STXBP5L: variants seen among roughly 807,000 people sequenced by gnomAD.
STXBP5L encodes syntaxin-binding protein 5-like.
STXBP5L carries 65 observed loss-of-function variants against 144.5 expected under a neutral mutation model. The ratio of observed to expected loss-of-function variants is 0.45; its 90% CI spans 0.37 to 0.55. The LOEUF is 0.55. STXBP5L is among the 20% of genes least tolerant of loss of function. The probability of loss-of-function intolerance (pLI) is 0.00; values close to 1 mark genes in which losing one functional copy is unlikely to be tolerated. For synonymous variants in STXBP5L, 505 were observed against 469.6 expected (o/e 1.08, Z -0.97); for missense variants, 1,298 against 1,405.5 (o/e 0.92, Z 1.22).
intron 3 of STXBP5L, among the ~76,000 whole-genome samples, chr3:120,978,734 C>G (rs1039220251): frequency 6.6e-6 from 1 of 152,120 alleles, no homozygotes; most frequent in South Asian, 2.1e-4. Flanking sequence ...TGTGTATATC[C>G]TTTCTGTTTG....
intron 7 of STXBP5L, among the ~76,000 whole-genome samples, chr3:121,139,485 T>G (rs1005802602): frequency 6.6e-6 from 1 of 152,126 alleles, no homozygotes; most frequent in African/African-American, 2.4e-5. Flanking sequence ...AAGATCGTGT[T>G]GCTTGTAAGT....
chr3:121,236,062 A>G (rs1405239505), intron 12 of STXBP5L, among the ~76,000 whole-genome samples: 3 of 152,156 alleles, frequency 2.0e-5, no homozygotes, highest in Non-Finnish European at 4.4e-5. Flanking sequence ...TGTACATATG[A>G]TGTTCTAAAT....
intron 25 of STXBP5L, among the ~76,000 whole-genome samples, chr3:121,417,993 C>T (rs987557599): frequency 2.0e-5 from 3 of 152,054 alleles, no homozygotes; most frequent in Non-Finnish European, 2.9e-5. Flanking sequence ...GAAATTTAAG[C>T]AAATGATCAG....
At chr3:121,101,078 C>G (rs1477338714) in intron 5 of STXBP5L, among the ~76,000 whole-genome samples, 1 of 151,652 alleles carries the variant, frequency 6.6e-6, no homozygotes, top group African/African-American at 2.4e-5. Flanking sequence ...ATATCAAGTT[C>G]CAAAATTAAA....
chr3:121,415,200 G>A (rs2047205185), intron 24 of STXBP5L, among the ~76,000 whole-genome samples: 1 of 152,104 alleles, frequency 6.6e-6, no homozygotes, highest in South Asian at 2.1e-4. Flanking sequence ...AGAAAAAGCT[G>A]GGGAGCAAGG....
In STXBP5L at chr3:120,954,967, C is replaced by G. The variant is rs1211560543; in HGVS notation, c.217C>G (p.Pro73Ala). The part of the protein sequence containing the change: ...KTVRHGFPHQ[P>A]TALAFDPVQK... ...AGTTCGGCATGGTTTTCCTCATCAG[C>G]CCACAGCATTAGCCTTTGATCCAGT... The change falls in exon 3 of 27, where the codon CCC becomes GCC. Residue 73 changes from proline (P) to alanine (A), a missense_variant. Physicochemically the swap from Pro to Ala is conservative, Grantham distance 27. Coordinates refer to ENST00000471454, the MANE Select transcript of STXBP5L (RefSeq NM_001308330.2). 10 of 1,612,396 alleles carry G rather than the reference C, an allele frequency of 6.2e-6. No homozygotes were observed. In the Admixed American group the frequency reaches 1.7e-4, roughly 27 times the overall value.
intron 14 of STXBP5L, 138 bp from the exon 15 acceptor site, chr3:121,250,585 T>C (rs1233991496): frequency 1.5e-6 from 1 of 669,328 alleles, no homozygotes; most frequent in African/African-American, 1.8e-5. Context: ...AGAAATGGTT[T>C]AGCATACATT....
chr3:120,985,800 T>C (rs1222060700), intron 3 of STXBP5L, among the ~76,000 whole-genome samples: 1 of 151,878 alleles, frequency 6.6e-6, no homozygotes, highest in East Asian at 1.9e-4. Flanking sequence ...GTAATTTGAG[T>C]CTTCTCTTTT....
intron 3 of STXBP5L, among the ~76,000 whole-genome samples, chr3:120,957,692 G>A (rs567743381): frequency 3.3e-5 from 5 of 152,216 alleles, no homozygotes; most frequent in Non-Finnish European, 7.4e-5. Flanking sequence ...TAGCAATAAA[G>A]ATGTTCTTTG....
Position 121,407,516 on chromosome 3 carries a change from C to G in STXBP5L, c.2861C>G (p.Ser954Cys). ...CLYVHNITETSFILQANVVVM... is the reference protein window; with the variant it reads ...CLYVHNITETCFILQANVVVM... ...TATGTTCATAACATCACGGAGACATCTTTTATACTGCAAGCAAATGTGGTG... is the reference window on the plus strand; with the variant it reads ...TATGTTCATAACATCACGGAGACATGTTTTATACTGCAAGCAAATGTGGTG... The change falls in exon 23 of 27, where the codon TCT becomes TGT. Residue 954 changes from serine to cysteine, a missense_variant. Transcript: ENST00000471454. 1 of 1,613,368 alleles carries G rather than the reference C, an allele frequency of 6.2e-7. No individual in the cohort carries two copies. The highest frequency in any genetic ancestry group is 8.5e-7 in the Non-Finnish European group (1 of 1,179,544).
chr3:121,000,497 T>G lies in STXBP5L; in HGVS notation c.288-41203T>G, dbSNP rs191701047. 7.1e-4 allele frequency among the ~76,000 whole-genome samples: 108 copies of G among 152,318 alleles called. 1 individual carries two copies. In the East Asian group the frequency reaches 0.016, roughly 23 times the overall value. On this transcript the variant is annotated intron_variant, in intron 3 of 26. Transcript: ENST00000471454. ...CTTTCTTAAATGGCTATTTCATCTT[T>G]CTGCTCTTGAATTGTTTTACTGGAT...
At chr3:121,106,835 G>T (rs189263016) in intron 5 of STXBP5L, among the ~76,000 whole-genome samples, 1 of 152,216 alleles carries the variant, frequency 6.6e-6, no homozygotes, top group East Asian at 1.9e-4. Flanking sequence ...TTCCACAATG[G>T]TTGAACTAAT....
At chr3:121,052,166 G>A (rs1317789421) in intron 5 of STXBP5L, among the ~76,000 whole-genome samples, 1 of 152,184 alleles carries the variant, frequency 6.6e-6, no homozygotes, top group African/African-American at 2.4e-5. Context: ...GGAGGAGCTG[G>A]TACCATTCCT....
chr3:121,353,186 G>T (rs1434040345), intron 20 of STXBP5L, among the ~76,000 whole-genome samples: 1 of 152,180 alleles, frequency 6.6e-6, no homozygotes, highest in Non-Finnish European at 1.5e-5. Flanking sequence ...TCAGCATGAT[G>T]TTGGCCTCAT....
chr3:121,369,140 G>A (rs2045953989), intron 20 of STXBP5L, among the ~76,000 whole-genome samples: 1 of 152,158 alleles, frequency 6.6e-6, no homozygotes, highest in Non-Finnish European at 1.5e-5. Context: ...GATTGGGAGT[G>A]GGGCATAGGT....
At chr3:121,007,599 A>G (rs554027387) in intron 3 of STXBP5L, among the ~76,000 whole-genome samples, 26 of 152,174 alleles carry the variant, frequency 1.7e-4, no homozygotes, top group African/African-American at 4.8e-4. Context: ...TGAGATATTC[A>G]ACTCTGTTAA....
At chr3:121,243,569 A>AT (rs1473268211) in intron 14 of STXBP5L, among the ~76,000 whole-genome samples, 1 of 151,670 alleles carries the variant, frequency 6.6e-6, no homozygotes, top group Non-Finnish European at 1.5e-5. Context: ...CCAGTAACTG[A>AT]TTTTAACCCT....
intron 20 of STXBP5L, among the ~76,000 whole-genome samples, chr3:121,325,105 C>CT (rs1296309191): frequency 5.3e-5 from 8 of 151,622 alleles, no homozygotes; most frequent in Non-Finnish European, 8.9e-5. Flanking sequence ...TTGACATTTG[C>CT]TTTTTTTTAC....
chr3:121,117,254 TCTA>T (rs2044272147), intron 6 of STXBP5L, among the ~76,000 whole-genome samples: 1 of 151,874 alleles, frequency 6.6e-6, no homozygotes, highest in Non-Finnish European at 1.5e-5. Context: ...TAGAATAGCA[TCTA>T]CTATTTTATA....
Sources: allele counts gnomAD v4.1 joint callset (sites outside exome capture counted in the v4.1 genomes callset), GRCh38; gene constraint gnomAD v4.1.1; transcripts MANE v1.5; gene names NCBI Gene and HGNC (gene_info 2026-07-23, HGNC 2026-07-21).